GUCY1A2: variants seen among roughly 807,000 people sequenced by gnomAD.
GUCY1A2 encodes guanylate cyclase soluble subunit alpha-2.
In GUCY1A2, 27 loss-of-function variants were observed where a neutral mutation model predicts 63.5. The ratio of observed to expected loss-of-function variants is 0.43; its 90% confidence interval spans 0.31 to 0.59. The LOEUF (loss-of-function observed/expected upper bound fraction) is 0.59, where lower values mean the gene tolerates loss of function less well. Ranked by LOEUF, GUCY1A2 falls within the 20% of genes least tolerant of loss-of-function variation. GUCY1A2 has a pLI of 0.11. For synonymous variants in GUCY1A2, 364 were observed against 343.5 expected, an observed-to-expected ratio of 1.06 and a Z score of -0.66; for missense variants, 768 against 913.3, an observed-to-expected ratio of 0.84 and a Z score of 2.05.
At chr11:107,005,716 G>C (rs1861662520) in intron 1 of GUCY1A2, among the ~76,000 whole-genome samples, 1 of 152,174 alleles carries the variant, frequency 6.6e-6, no homozygotes, top group Non-Finnish European at 1.5e-5. Context: ...AATGTGAGAG[G>C]TAACTGAATG....
rs755926359 is a variant in GUCY1A2 at position 106,708,580 on chromosome 11, G to A, written c.1923C>T (p.Val641=). Residue 641 remains valine (V), a synonymous_variant, in exon 7 of 8, where the codon GTC becomes GTT. Transcript: ENST00000526355. ...MPRYCLFGNN[V]TLASKFESGS... is the part of the protein sequence containing the mutation. ...CCGACTCGAATTTGCTTGCCAGTGT[G>A]ACATTATTTCCAAACAGGCAATAAC... is the stretch of plus-strand genomic sequence containing the variant. The A allele has an allele frequency of 6.2e-7, 1 of 1,612,948 alleles. No individual in the cohort carries two copies. Among genetic ancestry groups the A allele is most frequent in the South Asian group, 1.1e-5 (1 of 90,984 alleles).
At chr11:106,797,294 C>G (rs1864782327) in intron 5 of GUCY1A2, among the ~76,000 whole-genome samples, 1 of 152,100 alleles carries the variant, frequency 6.6e-6, no homozygotes, top group Non-Finnish European at 1.5e-5. Flanking sequence ...ATTCTCTGTC[C>G]AGCTTTGTTC....
intron 4 of GUCY1A2, among the ~76,000 whole-genome samples, chr11:106,855,527 G>A (rs1268678243): frequency 2.0e-5 from 3 of 152,044 alleles, no homozygotes; most frequent in Non-Finnish European, 4.4e-5. Context: ...CAGCCACCTT[G>A]ATCTTTCTCC....
intron 4 of GUCY1A2, chr11:106,826,629 C>A: frequency 1.3e-5 from 21 of 1,605,530 alleles, no homozygotes; most frequent in Non-Finnish European, 1.8e-5. Context: ...TGTATTTTCC[C>A]AGCAGTACAA....
Position 106,940,295 on chromosome 11 carries a change from C to G in GUCY1A2, c.488-117G>C, listed in dbSNP as rs182033760. On this transcript the variant is annotated intron_variant, in intron 3 of 7. Transcript: ENST00000526355. ...GAATAAAGTAACAAAGGTTATTTCT[C>G]TTAGATCCACAAATTTCCACATAGG... The G allele has an allele frequency of 5.6e-5, 32 of 567,916 alleles. No homozygotes were observed. In the African/African-American group the frequency reaches 5.6e-4, roughly 10 times the overall value. 35.2% of individuals were successfully genotyped at this position (567,916 alleles called of 1,614,324 possible). A position where few individuals can be genotyped will look rare whatever the true frequency, so the allele number is the denominator to read the frequency against.
intron 4 of GUCY1A2, among the ~76,000 whole-genome samples, chr11:106,869,221 C>G (rs1015678760): frequency 2.5e-4 from 38 of 152,072 alleles, no homozygotes; most frequent in African/African-American, 8.4e-4. Context: ...GTCTAAAACA[C>G]CAAAAGCAAT....
At position 106,810,127 on chromosome 11, in the gene GUCY1A2, C is replaced by T. The variant is rs780369830; in HGVS notation, c.1558G>A (p.Val520Ile). Residue 520 changes from valine (V) to isoleucine (I), a missense_variant, in exon 5 of 8, where the codon GTC becomes ATC. This residue lies in a region of GUCY1A2 where 122 missense variants were observed against 238.1 expected (regional missense o/e 0.51). Coordinates refer to ENST00000526355, the MANE Select transcript of GUCY1A2 (RefSeq NM_000855.3). ...ACAATGTCTGAAAAGAGCATGGTGACATCATCAAACTTTCTGGCCTGTACT... is the reference window on the plus strand; with the variant it reads ...ACAATGTCTGAAAAGAGCATGGTGATATCATCAAACTTTCTGGCCTGTACT... ...QQVQARKFDD[V>I]TMLFSDIVGF... The T allele has an allele frequency of 1.9e-6, 3 of 1,613,840 alleles. No individual in the cohort carries two copies. Among genetic ancestry groups the T allele is most frequent in the Non-Finnish European group, 2.5e-6 (3 of 1,179,912 alleles).
At chr11:106,824,558 T>A (rs1316353786) in intron 4 of GUCY1A2, among the ~76,000 whole-genome samples, 6 of 152,066 alleles carry the variant, frequency 3.9e-5, no homozygotes, top group Non-Finnish European at 5.9e-5. Context: ...TGCAAAAGCA[T>A]GTCAAGTCAA....
intron 6 of GUCY1A2, 131 bp from the exon 7 acceptor site, chr11:106,708,797 T>C (rs920885326): frequency 1.9e-6 from 1 of 513,322 alleles, no homozygotes; most frequent in Non-Finnish European, 3.2e-6. Flanking sequence ...AGACAGGAAC[T>C]GAGTCCTGGT....
intron 4 of GUCY1A2, among the ~76,000 whole-genome samples, chr11:106,939,064 T>C (rs1860715820): frequency 1.3e-5 from 2 of 152,214 alleles, no homozygotes; most frequent in South Asian, 4.1e-4. Flanking sequence ...AAAGTGAAGG[T>C]AACTTTTAGC....
At chr11:106,962,639 T>C (rs376529637) in intron 3 of GUCY1A2, among the ~76,000 whole-genome samples, 56 of 151,728 alleles carry the variant, frequency 3.7e-4, no homozygotes, top group Non-Finnish European at 4.4e-4. Flanking sequence ...TTAAATCACA[T>C]AGACAGAATA....
intron 2 of GUCY1A2, among the ~76,000 whole-genome samples, chr11:106,984,173 A>G (rs894623516): frequency 6.6e-6 from 1 of 152,216 alleles, no homozygotes; most frequent in Non-Finnish European, 1.5e-5. Context: ...GAATGCAAAT[A>G]AAGTCAGTGA....
At chr11:106,759,536 AGTAGG>A (rs1383991409) in intron 6 of GUCY1A2, among the ~76,000 whole-genome samples, 1 of 152,230 alleles carries the variant, frequency 6.6e-6, no homozygotes, top group Non-Finnish European at 1.5e-5. Context: ...ATTAATTAGA[AGTAGG>A]GTAATTGCTG....
At chr11:106,741,577 G>A (rs1045834843) in intron 6 of GUCY1A2, among the ~76,000 whole-genome samples, 1 of 152,120 alleles carries the variant, frequency 6.6e-6, no homozygotes, top group African/African-American at 2.4e-5. Flanking sequence ...ATAAATTATT[G>A]GAAATAGAGG....
At chr11:106,953,474 T>C (rs1287472851) in intron 3 of GUCY1A2, among the ~76,000 whole-genome samples, 2 of 152,208 alleles carry the variant, frequency 1.3e-5, no homozygotes, top group African/African-American at 4.8e-5. Context: ...GATATTGGCC[T>C]GAAGTTTTCT....
At chr11:106,848,298 T>C (rs1349605344) in intron 4 of GUCY1A2, among the ~76,000 whole-genome samples, 2 of 151,596 alleles carry the variant, frequency 1.3e-5, no homozygotes, top group Non-Finnish European at 3.0e-5. Context: ...AAGCACACAA[T>C]CAGTGAATAT....
At chr11:106,767,682 C>G (rs1210308934) in intron 6 of GUCY1A2, among the ~76,000 whole-genome samples, 1 of 152,044 alleles carries the variant, frequency 6.6e-6, no homozygotes, top group Non-Finnish European at 1.5e-5. Flanking sequence ...ATGCTGATAT[C>G]TTACAGAGGA....
intron 4 of GUCY1A2, among the ~76,000 whole-genome samples, chr11:106,934,218 A>G (rs1860644825): frequency 6.6e-6 from 1 of 152,236 alleles, no homozygotes; most frequent in South Asian, 2.1e-4. Context: ...CATACTTACA[A>G]GAACAGAGTG....
At chr11:106,729,603 A>G (rs76760105) in intron 6 of GUCY1A2, among the ~76,000 whole-genome samples, 4,439 of 152,236 alleles carry the variant, frequency 0.029, 106 homozygotes, top group South Asian at 0.07. Flanking sequence ...ATTTTCTGCA[A>G]TGACACAAGC....
Sources: allele counts gnomAD v4.1 joint callset (sites outside exome capture counted in the v4.1 genomes callset), GRCh38; gene constraint gnomAD v4.1.1; regional missense constraint gnomAD v4.1.1; transcripts MANE v1.5; gene names NCBI Gene and HGNC (gene_info 2026-07-23, HGNC 2026-07-21).